The following SOX5 variants were observed in gnomAD, a reference collection of about 807,000 sequenced individuals.
The protein encoded by SOX5 is transcription factor SOX-5.
SOX5 carries 9 observed loss-of-function variants against 92.0 expected under a neutral mutation model. The ratio of observed to expected loss-of-function variants is 0.10; its 90% CI spans 0.06 to 0.17. The LOEUF (loss-of-function observed/expected upper bound fraction) is 0.17, where lower values mean the gene tolerates loss of function less well. Among genes scored for constraint, SOX5 ranks in the 10% least tolerant of loss-of-function variants. SOX5 has a pLI of 1.00. For synonymous variants in SOX5, 344 were observed against 336.3 expected, an observed-to-expected ratio of 1.02 and a Z score of -0.25; for missense variants, 642 against 944.5, an observed-to-expected ratio of 0.68 and a Z score of 4.20.
chr12:24,116,129 A>G lies in SOX5; in HGVS notation c.-2+97214T>C, dbSNP rs549183684. 1.8e-4 allele frequency among the ~76,000 whole-genome samples: 27 copies of G among 152,292 alleles called. No homozygotes were observed. In the East Asian group the frequency reaches 2.1e-3, roughly 12 times the overall value. The stretch of plus-strand genomic sequence containing the variant: ...TGATAAAACGTTACAACTGAGTTCA[A>G]TCCTCTTCTTTCATAGCAGAAGATG... On this transcript the variant is annotated intron_variant, in intron 4 of 4. Transcript: ENST00000446891.
chr12:23,765,789 T>G (rs2094707036), intron 3 of SOX5, among the ~76,000 whole-genome samples: 1 of 152,122 alleles, frequency 6.6e-6, no homozygotes, highest in African/African-American at 2.4e-5. Flanking sequence ...CAAACATGCA[T>G]GCTCACATAC....
intron 1 of SOX5, among the ~76,000 whole-genome samples, chr12:24,385,416 C>T (rs1435359476): frequency 3.3e-5 from 5 of 152,032 alleles, no homozygotes; most frequent in South Asian, 4.1e-4. Context: ...GTTTACTAAA[C>T]GCATTTTTGA....
intron 4 of SOX5, among the ~76,000 whole-genome samples, chr12:23,754,389 T>G (rs2094296562): frequency 6.6e-6 from 1 of 151,828 alleles, no homozygotes; most frequent in Admixed American, 6.6e-5. Flanking sequence ...ATCAAGGACC[T>G]GCCGCCTCTG....
intron 4 of SOX5, among the ~76,000 whole-genome samples, chr12:24,006,962 C>G (rs1453184741): frequency 6.6e-6 from 1 of 150,876 alleles, no homozygotes; most frequent in African/African-American, 2.4e-5. Flanking sequence ...GGTGAAACCC[C>G]GTGTCTACAA....
At chr12:23,609,195 G>A (rs75301093) in intron 8 of SOX5, among the ~76,000 whole-genome samples, 102 of 152,220 alleles carry the variant, frequency 6.7e-4, no homozygotes, top group Admixed American at 2.5e-3. Flanking sequence ...TGGTAGAAAG[G>A]GCAATGCATA....
intron 1 of SOX5, among the ~76,000 whole-genome samples, chr12:24,518,568 A>G (rs1597520076): frequency 6.6e-6 from 1 of 152,168 alleles, no homozygotes; most frequent in South Asian, 2.1e-4. Context: ...TCAAATTGGC[A>G]TGATTGACAC....
intron 3 of SOX5, among the ~76,000 whole-genome samples, chr12:23,834,253 C>A (rs1402607020): frequency 6.6e-6 from 1 of 151,766 alleles, no homozygotes; most frequent in Non-Finnish European, 1.5e-5. Context: ...GAGAGAACTG[C>A]ACGTGATTTC....
chr12:23,549,328 G>T (rs1182410327), intron 11 of SOX5, among the ~76,000 whole-genome samples: 4 of 151,790 alleles, frequency 2.6e-5, no homozygotes, highest in Non-Finnish European at 4.4e-5. Flanking sequence ...ATTTTTTACC[G>T]ATCTTATAAT....
intron 6 of SOX5, among the ~76,000 whole-genome samples, chr12:23,703,228 G>A (rs996610644): frequency 6.6e-6 from 1 of 152,054 alleles, no homozygotes; most frequent in African/African-American, 2.4e-5. Context: ...GGAGTAATTA[G>A]CTCTGTGAAG....
chr12:24,276,797 T>A (rs1944479539), intron 3 of SOX5, among the ~76,000 whole-genome samples: 1 of 152,154 alleles, frequency 6.6e-6, no homozygotes, highest in African/African-American at 2.4e-5. Context: ...CCTGGAATAC[T>A]TAATAGCCTA....
chr12:24,252,328 C>A (rs58368209), intron 3 of SOX5, among the ~76,000 whole-genome samples: 2,301 of 152,252 alleles, frequency 0.015, 54 homozygotes, highest in African/African-American at 0.052. Flanking sequence ...AGTATTTAAG[C>A]AAAACCAATT....
intron 1 of SOX5, among the ~76,000 whole-genome samples, chr12:23,924,435 T>G (rs1939361345): frequency 6.6e-6 from 1 of 152,144 alleles, no homozygotes; most frequent in Admixed American, 6.5e-5. Flanking sequence ...AGGCCTTATA[T>G]AATTTGACAA....
chr12:23,942,099 G>A (rs1031087519), intron 1 of SOX5, among the ~76,000 whole-genome samples: 7 of 151,754 alleles, frequency 4.6e-5, no homozygotes, highest in African/African-American at 1.7e-4. Flanking sequence ...GAATAAAAGT[G>A]TTTTAGAACT....
At chr12:23,898,479 C>G (rs1246239007) in intron 1 of SOX5, among the ~76,000 whole-genome samples, 1 of 152,180 alleles carries the variant, frequency 6.6e-6, no homozygotes. Context: ...CTATGACCTT[C>G]AGAACCATGA....
At chr12:24,369,664 A>T (rs1430787555) in intron 1 of SOX5, among the ~76,000 whole-genome samples, 1 of 152,222 alleles carries the variant, frequency 6.6e-6, no homozygotes, top group Non-Finnish European at 1.5e-5. Flanking sequence ...CTGTGAGTAT[A>T]ACAGCTTTCA....
chr12:24,529,261 T>C (rs1318206409), intron 1 of SOX5, among the ~76,000 whole-genome samples: 1 of 152,224 alleles, frequency 6.6e-6, no homozygotes, highest in Admixed American at 6.5e-5. Context: ...GTGGCTTCCA[T>C]GAATTCAGAT....
intron 3 of SOX5, among the ~76,000 whole-genome samples, chr12:23,843,006 T>C (rs992174595): frequency 5.3e-5 from 8 of 152,128 alleles, no homozygotes; most frequent in Non-Finnish European, 1.0e-4. Flanking sequence ...CTTAATTACA[T>C]AGAAAGTATG....
chr12:23,971,983 G>T (rs978478594), intron 4 of SOX5, among the ~76,000 whole-genome samples: 1 of 152,060 alleles, frequency 6.6e-6, no homozygotes, highest in Non-Finnish European at 1.5e-5. Context: ...TAAATGAATG[G>T]TTCTCAAATT....
At chr12:23,800,470 G>A (rs1031407518) in intron 3 of SOX5, among the ~76,000 whole-genome samples, 6 of 151,808 alleles carry the variant, frequency 4.0e-5, no homozygotes, top group Non-Finnish European at 5.9e-5. Flanking sequence ...TGCTTAAAAC[G>A]TACATGATGA....
Sources: allele counts gnomAD v4.1 joint callset (sites outside exome capture counted in the v4.1 genomes callset), GRCh38; gene constraint gnomAD v4.1.1; transcripts MANE v1.5; gene names NCBI Gene and HGNC (gene_info 2026-07-23, HGNC 2026-07-21).